SYNPO2: variants seen among roughly 807,000 people sequenced by gnomAD.
SYNPO2 encodes the protein synaptopodin-2.
SYNPO2 carries 56 observed loss-of-function variants against 85.0 expected under a neutral mutation model. The ratio of observed to expected loss-of-function variants is 0.66; its 90% CI spans 0.53 to 0.82. The LOEUF is 0.82. Ranked by LOEUF, SYNPO2 falls within the 40% of genes least tolerant of loss-of-function variation. SYNPO2 has a pLI of 0.00. For missense variants in SYNPO2, 1,575 were observed against 1,534.2 expected (o/e 1.03, Z -0.44); for synonymous variants, 602 against 591.1 (o/e 1.02, Z -0.27).
intron 1 of SYNPO2, among the ~76,000 whole-genome samples, chr4:118,916,328 A>C (rs1733322305): frequency 1.3e-5 from 2 of 151,710 alleles, no homozygotes; most frequent in South Asian, 4.2e-4. Context: ...ACGCACCACC[A>C]CACCCAGCTG....
intron 1 of SYNPO2, among the ~76,000 whole-genome samples, chr4:118,874,510 G>A (rs1183263374): frequency 6.6e-6 from 1 of 152,168 alleles, no homozygotes; most frequent in East Asian, 1.9e-4. Context: ...GACACCATGT[G>A]ATACAACTGT....
At chr4:118,936,696 C>T (rs1578565789) in intron 1 of SYNPO2, among the ~76,000 whole-genome samples, 1 of 152,218 alleles carries the variant, frequency 6.6e-6, no homozygotes, top group East Asian at 1.9e-4. Flanking sequence ...CTCCATTTCC[C>T]CCATCCTATC....
chr4:119,024,306 C>T (rs1043057642), intron 2 of SYNPO2, among the ~76,000 whole-genome samples: 8 of 152,194 alleles, frequency 5.3e-5, no homozygotes, highest in Non-Finnish European at 1.2e-4. Flanking sequence ...ACTGATTTTG[C>T]AACGGAAGCT....
intron 4 of SYNPO2, among the ~76,000 whole-genome samples, chr4:119,054,670 G>A (rs185890204): frequency 3.9e-5 from 6 of 152,020 alleles, no homozygotes; most frequent in African/African-American, 1.2e-4. Context: ...ATAGGCACAC[G>A]GTGTGGGTGG....
chr4:119,003,877 G>A (rs62327845), intron 1 of SYNPO2, among the ~76,000 whole-genome samples: 41,794 of 151,912 alleles, frequency 0.28, 5,734 homozygotes, highest in Middle Eastern at 0.31. Flanking sequence ...CCAGAGTTCC[G>A]GGAGCCCAGA....
intron 2 of SYNPO2, 68 bp downstream of exon 2, chr4:119,023,649 A>G (rs907292409): frequency 6.9e-7 from 1 of 1,457,752 alleles, no homozygotes; most frequent in South Asian, 1.6e-5. Flanking sequence ...AGCTTTTACT[A>G]CATATATAAC....
chr4:118,853,925 A>C (rs1731464861), intron 1 of SYNPO2, among the ~76,000 whole-genome samples: 1 of 152,196 alleles, frequency 6.6e-6, no homozygotes, highest in Non-Finnish European at 1.5e-5. Context: ...GTCTGACGCT[A>C]TTGCAATAGC....
rs1733854176 is a variant in SYNPO2, at chr4:118,929,643, G to GT, written c.105+40502_105+40503insT. On this transcript the variant is annotated intron_variant, in intron 1 of 4. Coordinates refer to ENST00000307142, the MANE Select transcript of SYNPO2 (RefSeq NM_133477.3). ...CTCATTTTTTTTTGTTGTACAAATA[G>GT]AGTCGCTCAATTATCTCCCAAGGCT... 4.0e-5 allele frequency among the ~76,000 whole-genome samples: 6 copies of GT among 151,818 alleles called. No individual in the cohort carries two copies. In the South Asian group the frequency reaches 8.3e-4, roughly 21 times the overall value.
At chr4:118,878,619 C>T (rs567906950) in intron 1 of SYNPO2, among the ~76,000 whole-genome samples, 121 of 152,248 alleles carry the variant, frequency 7.9e-4, no homozygotes, top group African/African-American at 2.9e-3. Flanking sequence ...CCAATCAGCG[C>T]TCTGTGTCTA....
intron 1 of SYNPO2, among the ~76,000 whole-genome samples, chr4:118,978,508 C>T (rs145687174): frequency 3.2e-4 from 48 of 152,230 alleles, no homozygotes; most frequent in South Asian, 1.0e-3. Flanking sequence ...ACCTTATCCT[C>T]GTCACCAGTT....
At chr4:119,020,780 C>G (rs1737692983) in intron 1 of SYNPO2, among the ~76,000 whole-genome samples, 1 of 152,164 alleles carries the variant, frequency 6.6e-6, no homozygotes, top group Non-Finnish European at 1.5e-5. Flanking sequence ...GTGAACAACT[C>G]TAACCCTGAC....
intron 1 of SYNPO2, among the ~76,000 whole-genome samples, chr4:118,963,128 A>G (rs978052484): frequency 1.3e-5 from 2 of 152,254 alleles, no homozygotes; most frequent in African/African-American, 2.4e-5. Flanking sequence ...AGGCACTTCT[A>G]TAACACCTTT....
intron 2 of SYNPO2, among the ~76,000 whole-genome samples, chr4:119,023,810 T>C (rs1487138963): frequency 6.6e-6 from 1 of 152,208 alleles, no homozygotes; most frequent in African/African-American, 2.4e-5. Flanking sequence ...TCAAGCACTT[T>C]GTTGAAAATC....
At chr4:118,866,443 C>G (rs953924931) in intron 1 of SYNPO2, among the ~76,000 whole-genome samples, 1 of 152,216 alleles carries the variant, frequency 6.6e-6, no homozygotes, top group Non-Finnish European at 1.5e-5. Context: ...CAGCACAGTT[C>G]TATCTCTAAG....
chr4:118,962,287 G>A (rs1222893544), intron 1 of SYNPO2, among the ~76,000 whole-genome samples: 1 of 152,140 alleles, frequency 6.6e-6, no homozygotes, highest in African/African-American at 2.4e-5. Context: ...ATAGAAAATA[G>A]CCAATTTATA....
intron 1 of SYNPO2, among the ~76,000 whole-genome samples, chr4:118,960,944 C>T (rs1403992669): frequency 6.6e-6 from 1 of 152,092 alleles, no homozygotes. Flanking sequence ...GCCAAAATTT[C>T]CTCTTACCTT....
intron 1 of SYNPO2, among the ~76,000 whole-genome samples, chr4:118,981,673 C>T (rs1181199018): frequency 1.3e-5 from 2 of 152,134 alleles, no homozygotes; most frequent in African/African-American, 4.8e-5. Flanking sequence ...CAGTTCAACT[C>T]ATAGCCCACC....
At chr4:118,972,641 TC>T (rs1276913643) in intron 1 of SYNPO2, among the ~76,000 whole-genome samples, 1 of 152,184 alleles carries the variant, frequency 6.6e-6, no homozygotes, top group Non-Finnish European at 1.5e-5. Flanking sequence ...TTGTTTTTTC[TC>T]CATCACTTCT....
intron 1 of SYNPO2, among the ~76,000 whole-genome samples, chr4:118,909,290 C>T (rs924410613): frequency 1.3e-5 from 2 of 152,108 alleles, no homozygotes; most frequent in Non-Finnish European, 2.9e-5. Context: ...TTACATGGCT[C>T]TTAATTGAGT....
Sources: allele counts gnomAD v4.1 joint callset (sites outside exome capture counted in the v4.1 genomes callset), GRCh38; gene constraint gnomAD v4.1.1; transcripts MANE v1.5; gene names NCBI Gene and HGNC (gene_info 2026-07-23, HGNC 2026-07-21).